The following MCL1 variants were observed in gnomAD, a reference collection of about 807,000 sequenced individuals.
The protein encoded by MCL1 is MCL1 apoptosis regulator, BCL2 family member, also known as induced myeloid leukemia cell differentiation protein Mcl-1.
In MCL1, 4 loss-of-function variants were observed where a neutral mutation model predicts 24.2. That is an observed-to-expected ratio of 0.17 (90% CI 0.08 to 0.38). The LOEUF (loss-of-function observed/expected upper bound fraction) is 0.38, where lower values mean the gene tolerates loss of function less well. Among genes scored for constraint, MCL1 ranks in the 10% least tolerant of loss-of-function variants. MCL1 has a pLI of 1.00. For missense variants in MCL1, 529 were observed against 480.3 expected, an observed-to-expected ratio of 1.10 and a Z score of -0.95; for synonymous variants, 248 against 214.0, an observed-to-expected ratio of 1.16 and a Z score of -1.39.
In MCL1 at chr1:150,575,683, T is replaced by C. The variant is rs1017355736; in HGVS notation, c.*1692A>G. The C allele has an allele frequency of 8.6e-6, 2 of 232,804 alleles. No homozygotes were observed. Among genetic ancestry groups the C allele is most frequent in the African/African-American group, 4.4e-5 (2 of 45,204 alleles). The allele number at this position is 232,804 out of a possible 1,614,324, so 14.4% of individuals were successfully genotyped here. On this transcript the variant is annotated 3_prime_UTR_variant, in exon 3 of 3. Transcript: ENST00000369026. ...CCACCTGCTAACAGGATCAAGTTCG[T>C]GAAAGATGAAAGGTCTGTGGACTCT...
At position 150,577,004 on chromosome 1, in the gene MCL1, G is replaced by C. The variant is rs1647836114; in HGVS notation, c.*371C>G. On this transcript the variant is annotated 3_prime_UTR_variant, in exon 3 of 3. Transcript: ENST00000369026. ...TCTCTTAACACTACAGTAAATTAATGAATTCGGCGGGTAATCAATTCTATG... is the reference window on the plus strand; with the variant it reads ...TCTCTTAACACTACAGTAAATTAATCAATTCGGCGGGTAATCAATTCTATG... The C allele has an allele frequency of 3.5e-6, 1 of 287,656 alleles. No individual in the cohort carries two copies. The allele number at this position is 287,656 out of a possible 1,614,324, so 17.8% of individuals were successfully genotyped here. A position where few individuals can be genotyped will look rare whatever the true frequency, so the allele number is the denominator to read the frequency against.
In MCL1 at chr1:150,578,993, C is replaced by T; in HGVS notation, c.538G>A (p.Glu180Lys). ...TCCCGAAGGTACCGAGAGATAATCT[C>T]CAGCGACTGCCGGTACAACTCGTCC... is the stretch of plus-strand genomic sequence containing the variant. ...EEDELYRQSL[E>K]IISRYLREQA... The change falls in exon 1 of 3, where the codon GAG becomes AAG. Residue 180 changes from glutamate to lysine, a missense_variant. Glu to Lys is a moderately conservative substitution (Grantham distance 56, BLOSUM62 1). Coordinates refer to ENST00000369026, the MANE Select transcript of MCL1 (RefSeq NM_021960.5). The T allele has an allele frequency of 3.1e-6, 5 of 1,613,648 alleles. No individual in the cohort carries two copies. Among genetic ancestry groups the T allele is most frequent in the Non-Finnish European group, 4.2e-6 (5 of 1,180,040 alleles).
In MCL1 at chr1:150,576,758, G is replaced by A. The variant is rs770494791; in HGVS notation, c.*617C>T. 8 of 232,336 alleles carry A rather than the reference G, an allele frequency of 3.4e-5. No individual in the cohort carries two copies. Among genetic ancestry groups the A allele is most frequent in the Non-Finnish European group, 6.0e-5 (7 of 117,526 alleles). 14.4% of individuals were successfully genotyped at this position (232,336 alleles called of 1,614,324 possible). Reference sequence around the variant, plus strand: ...TTCATAACTAATTACTGAGCCTTCCGTCAAGTATTATTGGTGATAAACTAG... The same window carrying A: ...TTCATAACTAATTACTGAGCCTTCCATCAAGTATTATTGGTGATAAACTAG... On this transcript the variant is annotated 3_prime_UTR_variant, in exon 3 of 3. Coordinates refer to ENST00000369026, the MANE Select transcript of MCL1 (RefSeq NM_021960.5).
At chr1:150,578,772 C>G in intron 1 of MCL1, 71 bp downstream of exon 1, 2 of 1,518,412 alleles carry the variant, frequency 1.3e-6, no homozygotes, top group Non-Finnish European at 1.8e-6. Context: ...TCCAACCCAC[C>G]CTTGGCGGGT....
In MCL1 at chr1:150,576,520, T is replaced by C. The variant is rs1647813041; in HGVS notation, c.*855A>G. On this transcript the variant is annotated 3_prime_UTR_variant, in exon 3 of 3. Coordinates refer to ENST00000369026, the MANE Select transcript of MCL1 (RefSeq NM_021960.5). The stretch of plus-strand genomic sequence containing the variant: ...CAGTTACACATCAATTCGTTCTGTA[T>C]ACACTCTAGAACTGAACAGAACAAA... 1 of 232,678 alleles carries C rather than the reference T, an allele frequency of 4.3e-6. No individual in the cohort carries two copies. Among genetic ancestry groups the C allele is most frequent in the Non-Finnish European group, 8.5e-6 (1 of 117,460 alleles). The allele number at this position is 232,678 out of a possible 1,614,324, so 14.4% of individuals were successfully genotyped here. A position where few individuals can be genotyped will look rare whatever the true frequency, so the allele number is the denominator to read the frequency against.
In MCL1 at chr1:150,576,083, A is replaced by G; in HGVS notation, c.*1292T>C. The G allele has an allele frequency of 4.3e-6, 1 of 233,654 alleles. No homozygotes were observed. Among genetic ancestry groups the G allele is most frequent in the Middle Eastern group, 1.3e-3 (1 of 784 alleles). The allele number at this position is 233,654 out of a possible 1,614,324, so 14.5% of individuals were successfully genotyped here. A position where few individuals can be genotyped will look rare whatever the true frequency, so the allele number is the denominator to read the frequency against. ...GCCTGCTTTTCCAAGCCATCATTTTATAATTTATTAAGCAAACAAGGGATC... is the reference window on the plus strand; with the variant it reads ...GCCTGCTTTTCCAAGCCATCATTTTGTAATTTATTAAGCAAACAAGGGATC... On this transcript the variant is annotated 3_prime_UTR_variant, in exon 3 of 3. Coordinates refer to ENST00000369026, the MANE Select transcript of MCL1 (RefSeq NM_021960.5).
intron 1 of MCL1, 41 bp from the exon 2 acceptor site, chr1:150,578,532 T>C (rs1255585473): frequency 1.2e-6 from 2 of 1,604,712 alleles, no homozygotes; most frequent in Non-Finnish European, 1.7e-6. Flanking sequence ...GCCTCCTTTG[T>C]CTAAACCGGC....
rs2101698539 is a variant in MCL1 at position 150,579,050 on chromosome 1, G to A, written c.481C>T (p.Pro161Ser). ...GNNTSTDGSL[P>S]STPPPAEEEE... ...TCCTCTGCTGGCGGCGGCGTCGAGG[G>A]TAGTGACCCGTCCGTACTGGTGTTA... The change falls in exon 1 of 3, where the codon CCC (proline) becomes TCC (serine). Residue 161 changes from proline (P) to serine (S), a missense_variant. Transcript: ENST00000369026. 3 of 1,613,316 alleles carry A rather than the reference G, an allele frequency of 1.9e-6. No homozygotes were observed. The highest frequency in any genetic ancestry group is 2.2e-5 in the South Asian group (2 of 91,080).
intron 1 of MCL1, 90 bp from the exon 2 acceptor site, chr1:150,578,581 A>C (rs1647918505): frequency 6.7e-7 from 1 of 1,501,768 alleles, no homozygotes; most frequent in East Asian, 2.3e-5. Context: ...GAAAATCGCT[A>C]CTGGGATTTA....
intron 2 of MCL1, among the ~76,000 whole-genome samples, chr1:150,577,867 A>G (rs1394167089): frequency 6.6e-6 from 1 of 152,198 alleles, no homozygotes; most frequent in Non-Finnish European, 1.5e-5. Flanking sequence ...ATCCTGCATC[A>G]GATCTGGGTT....
chr1:150,575,149 C>T lies in MCL1; in HGVS notation c.*2226G>A. On this transcript the variant is annotated 3_prime_UTR_variant, in exon 3 of 3. Coordinates refer to ENST00000369026, the MANE Select transcript of MCL1 (RefSeq NM_021960.5). ...GATTAATTAAAAACTACATAAAGTG[C>T]TTTTAGGTCCTTAGAGATACATGAT... The T allele has an allele frequency of 4.3e-6, 1 of 233,168 alleles. No homozygotes were observed. Among genetic ancestry groups the T allele is most frequent in the East Asian group, 6.1e-5 (1 of 16,514 alleles). 14.4% of individuals were successfully genotyped at this position (233,168 alleles called of 1,614,324 possible).
chr1:150,577,218 T>C lies in MCL1; in HGVS notation c.*157A>G, dbSNP rs1235091931. Reference sequence around the variant, plus strand: ...CAATGGGGAGCACTCTTCCCATGTATTTATTCTTGTTAGCCATAATCCTCT... The same window carrying C: ...CAATGGGGAGCACTCTTCCCATGTACTTATTCTTGTTAGCCATAATCCTCT... On this transcript the variant is annotated 3_prime_UTR_variant, in exon 3 of 3. Coordinates refer to ENST00000369026, the MANE Select transcript of MCL1 (RefSeq NM_021960.5). 2 of 890,494 alleles carry C rather than the reference T, an allele frequency of 2.2e-6. No homozygotes were observed. The highest frequency in any genetic ancestry group is 3.4e-6 in the Non-Finnish European group (2 of 586,788). 55.2% of individuals were successfully genotyped at this position (890,494 alleles called of 1,614,324 possible). A position where few individuals can be genotyped will look rare whatever the true frequency, so the allele number is the denominator to read the frequency against.
chr1:150,578,224 C>T lies in MCL1; in HGVS notation c.936+20G>A, dbSNP rs2101695300. 1 of 1,605,882 alleles carries T rather than the reference C, an allele frequency of 6.2e-7. No individual in the cohort carries two copies. The highest frequency in any genetic ancestry group is 8.5e-7 in the Non-Finnish European group (1 of 1,176,514). ...TCTACTTCCACTCCAAGGCCCCTTT[C>T]ATCCTTAAGGCAAACTTACCCAGCC... On this transcript the variant is annotated intron_variant, in intron 2 of 2. Transcript: ENST00000369026.
chr1:150,577,225 T>G lies in MCL1; in HGVS notation c.*150A>C, dbSNP rs1647845117. The G allele has an allele frequency of 1.1e-6, 1 of 942,336 alleles. No homozygotes were observed. The highest frequency in any genetic ancestry group is 1.6e-6 in the Non-Finnish European group (1 of 631,932). 58.4% of individuals were successfully genotyped at this position (942,336 alleles called of 1,614,324 possible). A position where few individuals can be genotyped will look rare whatever the true frequency, so the allele number is the denominator to read the frequency against. On this transcript the variant is annotated 3_prime_UTR_variant, in exon 3 of 3. Transcript: ENST00000369026. ...GAGCACTCTTCCCATGTATTTATTC[T>G]TGTTAGCCATAATCCTCTTGCCACT... is the stretch of plus-strand genomic sequence containing the variant.
rs915314010 is a variant in MCL1 at position 150,574,855 on chromosome 1, G to A, written c.*2520C>T. On this transcript the variant is annotated 3_prime_UTR_variant, in exon 3 of 3. Transcript: ENST00000369026. The stretch of plus-strand genomic sequence containing the variant: ...CCTTTCCCTTTTGGAGGATTTGCCC[G>A]AACTACGTAGCCAGTCAGCACTTAG... 5.6e-5 allele frequency: 13 copies of A among 233,152 alleles called. No individual in the cohort carries two copies. The highest frequency in any genetic ancestry group is 2.3e-4 in the Admixed American group (4 of 17,752). 14.4% of individuals were successfully genotyped at this position (233,152 alleles called of 1,614,324 possible).
chr1:150,579,326 G>GGGT lies in MCL1; in HGVS notation c.202_204dup (p.Thr68dup). 6.8e-7 allele frequency: 1 copy of GGGT among 1,473,932 alleles called. No homozygotes were observed. Among genetic ancestry groups the GGGT allele is most frequent in the Non-Finnish European group, 8.9e-7 (1 of 1,120,238 alleles). The allele number at this position is 1,473,932 out of a possible 1,614,324, so 91.3% of individuals were successfully genotyped here. On this transcript the variant is annotated inframe_insertion, in exon 1 of 3. Transcript: ENST00000369026. Reference sequence around the variant, plus strand: ...GCGACCCTCCGGGAGTCTGGCGTGAGGGTGGACGGGGGGCTTGCGCCGGCG... The same window carrying GGGT: ...GCGACCCTCCGGGAGTCTGGCGTGAGGGTGGTGGACGGGGGGCTTGCGCCGGCG...
At position 150,578,866 on chromosome 1, in the gene MCL1, C is replaced by T. The variant is rs1647938438; in HGVS notation, c.665G>A (p.Arg222His). The change falls in exon 1 of 3, where the codon CGC becomes CAC. Residue 222 changes from arginine (R) to histidine (H), a missense_variant. Transcript: ENST00000369026. The stretch of plus-strand genomic sequence containing the variant: ...ACCTTGGAAGGCCGTCTCGTGGTTG[C>T]GCTGCACGCCATCCCCAACCCGTCG... ...TLRRVGDGVQ[R>H]NHETAFQGML... 6.2e-7 allele frequency: 1 copy of T among 1,612,676 alleles called. No individual in the cohort carries two copies. Among genetic ancestry groups the T allele is most frequent in the Admixed American group, 1.7e-5 (1 of 59,932 alleles).
intron 1 of MCL1, 92 bp from the exon 2 acceptor site, chr1:150,578,583 TG>T (rs1647918801): frequency 4.7e-6 from 7 of 1,500,338 alleles, no homozygotes; most frequent in Non-Finnish European, 6.4e-6. Context: ...AAATCGCTAC[TG>T]GGATTTACAG....
chr1:150,579,327 G>C lies in MCL1; in HGVS notation c.204C>G (p.Thr68=). 2 of 1,474,158 alleles carry C rather than the reference G, an allele frequency of 1.4e-6. No individual in the cohort carries two copies. Among genetic ancestry groups the C allele is most frequent in the Non-Finnish European group, 8.9e-7 (1 of 1,120,334 alleles). The allele number at this position is 1,474,158 out of a possible 1,614,324, so 91.3% of individuals were successfully genotyped here. A position where few individuals can be genotyped will look rare whatever the true frequency, so the allele number is the denominator to read the frequency against. Residue 68 remains threonine (T), a synonymous_variant, in exon 1 of 3, where the codon ACC becomes ACG. Transcript: ENST00000369026. The part of the protein sequence containing the change: ...GGSAGASPPS[T]LTPDSRRVAR... ...CGACCCTCCGGGAGTCTGGCGTGAG[G>C]GTGGACGGGGGGCTTGCGCCGGCGC...
Sources: gnomAD v4.1 joint callset for allele counts (sites outside exome capture counted in the v4.1 genomes callset) on GRCh38, gnomAD v4.1.1 for gene constraint, MANE v1.5 for transcripts, NCBI Gene and HGNC (gene_info 2026-07-23, HGNC 2026-07-21) for gene names.